The following MERTK variants were observed in gnomAD, a reference collection of about 807,000 sequenced individuals.
The protein encoded by MERTK is MER proto-oncogene, tyrosine kinase, also known as tyrosine-protein kinase Mer.
Under a neutral mutation model 99.3 loss-of-function variants are expected in MERTK, and 69 were observed. The ratio of observed to expected loss-of-function variants is 0.70; its 90% CI spans 0.57 to 0.85. MERTK has a LOEUF of 0.85. MERTK is among the 40% of genes least tolerant of loss of function. The pLI is 0.00. For missense variants in MERTK, 1,125 were observed against 1,249.4 expected (o/e 0.90, Z 1.50); for synonymous variants, 426 against 467.6 (o/e 0.91, Z 1.15).
At chr2:112,023,736 T>TC (rs1376611132) in intron 18 of MERTK, among the ~76,000 whole-genome samples, 2 of 152,178 alleles carry the variant, frequency 1.3e-5, no homozygotes, top group Non-Finnish European at 2.9e-5. Flanking sequence ...ATGGGGAGTC[T>TC]CCTCCCTGTA....
At position 111,935,913 on chromosome 2, in the gene MERTK, C is replaced by CA. The variant is rs1444744359; in HGVS notation, c.482+6380dup. 3.3e-5 allele frequency among the ~76,000 whole-genome samples: 5 copies of CA among 151,880 alleles called. No homozygotes were observed. In the East Asian group the frequency reaches 7.7e-4, roughly 24 times the overall value. On this transcript the variant is annotated intron_variant, in intron 2 of 18. Transcript: ENST00000295408. The stretch of plus-strand genomic sequence containing the variant: ...ATTTCTGTATATTATTAAAAGTCTT[C>CA]AAAAAAATTTTTTTGTTTTTTGAGA...
chr2:111,942,458 T>G (rs991818615), intron 2 of MERTK, among the ~76,000 whole-genome samples: 2 of 152,132 alleles, frequency 1.3e-5, no homozygotes, highest in Admixed American at 6.5e-5. Flanking sequence ...TTCTCCCATC[T>G]TTCTTCAGCC....
intron 1 of MERTK, among the ~76,000 whole-genome samples, chr2:111,928,512 G>T (rs888715117): frequency 6.6e-5 from 10 of 151,922 alleles, no homozygotes; most frequent in African/African-American, 2.2e-4. Flanking sequence ...TTGAGACAGG[G>T]TCTCTCTCTG....
At chr2:111,969,840 C>T (rs541659846) in intron 6 of MERTK, among the ~76,000 whole-genome samples, 5 of 151,918 alleles carry the variant, frequency 3.3e-5, no homozygotes, top group South Asian at 2.1e-4. Flanking sequence ...TACAGGCCCC[C>T]GCCACCGCGC....
In MERTK at chr2:111,943,516, G is replaced by A. The variant is rs555910899; in HGVS notation, c.483-1444G>A. Among the ~76,000 whole-genome samples the A allele has an allele frequency of 8.5e-5, 13 of 152,204 alleles. 1 individual carries two copies. The highest frequency in any genetic ancestry group is 3.1e-4 in the African/African-American group (13 of 41,518). ...ATGGTGCAACTGCACTCCAGCTTGGGTGACAGAGCGAGACCCCATCTAAAA... is the reference window on the plus strand; with the variant it reads ...ATGGTGCAACTGCACTCCAGCTTGGATGACAGAGCGAGACCCCATCTAAAA... On this transcript the variant is annotated intron_variant, in intron 2 of 18. Transcript: ENST00000295408.
intron 13 of MERTK, among the ~76,000 whole-genome samples, chr2:112,005,998 A>G (rs1676972653): frequency 3.9e-5 from 6 of 152,232 alleles, no homozygotes; most frequent in Admixed American, 3.3e-4. Flanking sequence ...CTTCTGCCTC[A>G]GCCTCCTGAG....
At position 112,021,253 on chromosome 2, in the gene MERTK, G is replaced by T. The variant is rs1163620970; in HGVS notation, c.2190-169G>T. The T allele has an allele frequency of 7.3e-5, 27 of 372,090 alleles. No homozygotes were observed. In the South Asian group the frequency reaches 2.5e-3, roughly 34 times the overall value. The allele number at this position is 372,090 out of a possible 1,614,324, so 23.0% of individuals were successfully genotyped here. A position where few individuals can be genotyped will look rare whatever the true frequency, so the allele number is the denominator to read the frequency against. ...TTGCTCTTGCTCTTGCTCTGCTGTT[G>T]GTCCTCACTTGCTCTGCCATTGGTC... is the stretch of plus-strand genomic sequence containing the variant. On this transcript the variant is annotated intron_variant, in intron 16 of 18. Transcript: ENST00000295408.
At chr2:111,997,798 T>C (rs1471786193) in intron 10 of MERTK, among the ~76,000 whole-genome samples, 1 of 152,202 alleles carries the variant, frequency 6.6e-6, no homozygotes, top group African/African-American at 2.4e-5. Flanking sequence ...ACACCTGTAA[T>C]CCCAGCACTT....
intron 8 of MERTK, among the ~76,000 whole-genome samples, chr2:111,983,256 T>A (rs2104741544): frequency 6.6e-6 from 1 of 152,334 alleles, no homozygotes; most frequent in Middle Eastern, 3.4e-3. Flanking sequence ...GACATAGAAT[T>A]CATCCTCTGT....
At chr2:111,969,078 C>T (rs1326084849) in intron 6 of MERTK, among the ~76,000 whole-genome samples, 7 of 152,130 alleles carry the variant, frequency 4.6e-5, no homozygotes, top group Non-Finnish European at 4.4e-5. Flanking sequence ...GGGTATGAAA[C>T]GGTGCTATTA....
At position 111,941,099 on chromosome 2, in the gene MERTK, A is replaced by G. The variant is rs757552958; in HGVS notation, c.483-3861A>G. 2.0e-5 allele frequency: 8 copies of G among 391,618 alleles called. No individual in the cohort carries two copies. In the East Asian group the frequency reaches 4.5e-4, roughly 22 times the overall value. The allele number at this position is 391,618 out of a possible 1,614,324, so 24.3% of individuals were successfully genotyped here. A position where few individuals can be genotyped will look rare whatever the true frequency, so the allele number is the denominator to read the frequency against. On this transcript the variant is annotated intron_variant, in intron 2 of 18. Coordinates refer to ENST00000295408, the MANE Select transcript of MERTK (RefSeq NM_006343.3). ...TACTTTGGCAAGGAGCTTATCCGTC[A>G]CTAACTTCCTGGGACTTGCATGCCT...
chr2:111,980,079 C>A (rs1384943898), intron 7 of MERTK, among the ~76,000 whole-genome samples: 1 of 152,176 alleles, frequency 6.6e-6, no homozygotes, highest in Admixed American at 6.5e-5. Context: ...TACGATACCC[C>A]CCAACTGTCA....
At chr2:111,989,488 T>C (rs567888644) in intron 8 of MERTK, among the ~76,000 whole-genome samples, 28 of 152,098 alleles carry the variant, frequency 1.8e-4, no homozygotes, top group African/African-American at 6.3e-4. Context: ...TCCCGAGTAC[T>C]GGGACTACAG....
intron 8 of MERTK, among the ~76,000 whole-genome samples, chr2:111,988,574 A>G (rs1676541690): frequency 6.6e-6 from 1 of 152,222 alleles, no homozygotes; most frequent in African/African-American, 2.4e-5. Flanking sequence ...TGATATAAGA[A>G]TAATCATAGC....
chr2:112,016,191 G>T (rs918938361), intron 15 of MERTK, among the ~76,000 whole-genome samples: 1 of 152,056 alleles, frequency 6.6e-6, no homozygotes, highest in Non-Finnish European at 1.5e-5. Context: ...TCTGTGTCTG[G>T]CAAAAGTTCT....
chr2:112,014,635 C>G (rs1677180222), intron 15 of MERTK, among the ~76,000 whole-genome samples: 2 of 146,036 alleles, frequency 1.4e-5, no homozygotes, highest in Non-Finnish European at 3.0e-5. Flanking sequence ...CATTTATAAC[C>G]TTTTTTTTTT....
chr2:111,957,641 GA>G, intron 4 of MERTK, among the ~76,000 whole-genome samples: 1 of 152,148 alleles, frequency 6.6e-6, no homozygotes, highest in South Asian at 2.1e-4. Flanking sequence ...TAAGGGTGGG[GA>G]TCTTGGTTTT....
At chr2:111,979,891 T>G (rs911716627) in intron 7 of MERTK, among the ~76,000 whole-genome samples, 4 of 151,986 alleles carry the variant, frequency 2.6e-5, no homozygotes, top group Non-Finnish European at 2.9e-5. Context: ...TTCTGTGTGG[T>G]TTTTTTTGGT....
intron 6 of MERTK, among the ~76,000 whole-genome samples, chr2:111,972,997 C>T (rs561020345): frequency 2.8e-4 from 42 of 152,308 alleles, no homozygotes; most frequent in African/African-American, 8.9e-4. Context: ...GATCCATGCA[C>T]TAGCAGGACA....
Sources: gnomAD v4.1 joint callset for allele counts (sites outside exome capture counted in the v4.1 genomes callset) on GRCh38, gnomAD v4.1.1 for gene constraint, MANE v1.5 for transcripts, NCBI Gene and HGNC (gene_info 2026-07-23, HGNC 2026-07-21) for gene names.